Variants in GTF2IRD1 observed in about 807,000 individuals in gnomAD.
GTF2IRD1 encodes the protein GTF2I repeat domain containing 1.
In GTF2IRD1, 26 loss-of-function variants were observed where a neutral mutation model predicts 113.2. The ratio of observed to expected loss-of-function variants is 0.23; its 90% CI spans 0.17 to 0.32. The LOEUF (loss-of-function observed/expected upper bound fraction) is 0.32. Among genes scored for constraint, GTF2IRD1 ranks in the 10% least tolerant of loss-of-function variants. The pLI is 1.00. For missense variants in GTF2IRD1, 864 were observed against 1,280.8 expected (o/e 0.67, Z 4.97); for synonymous variants, 484 against 529.1 (o/e 0.91, Z 1.17).
intron 11 of GTF2IRD1, among the ~76,000 whole-genome samples, chr7:74,536,835 A>G (rs1478074792): frequency 2.1e-4 from 32 of 149,904 alleles, no homozygotes; most frequent in Non-Finnish European, 4.4e-4. Context: ...ACCAGGCCGG[A>G]CTTGGTGGCT....
Position 74,536,214 on chromosome 7 carries a change from C to T in GTF2IRD1, c.1348C>T (p.Pro450Ser). 6.2e-7 allele frequency: 1 copy of T among 1,613,752 alleles called. No individual in the cohort carries two copies. Residue 450 changes from proline (P) to serine (S), a missense_variant, in exon 11 of 27, where the codon CCA becomes TCA. Coordinates refer to ENST00000424337, the MANE Select transcript of GTF2IRD1 (RefSeq NM_005685.4). ...DTTKLEPASP[P>S]EDTSAEVSRA... Reference sequence around the variant, plus strand: ...CACGAAGCTGGAGCCAGCCAGCCCGCCAGAGGACACCTCTGCAGAGGTCTC... The same window carrying T: ...CACGAAGCTGGAGCCAGCCAGCCCGTCAGAGGACACCTCTGCAGAGGTCTC...
At chr7:74,549,773 C>T (rs770353219) in intron 17 of GTF2IRD1, among the ~76,000 whole-genome samples, 4 of 151,846 alleles carry the variant, frequency 2.6e-5, no homozygotes, top group Admixed American at 2.0e-4. Flanking sequence ...CGGTGGCTCA[C>T]GCCTGTAATC....
At chr7:74,482,501 T>C (rs530037695) in intron 1 of GTF2IRD1, among the ~76,000 whole-genome samples, 1 of 152,156 alleles carries the variant, frequency 6.6e-6, no homozygotes, top group African/African-American at 2.4e-5. Context: ...GTGCTGGGAT[T>C]ACGGGTGCGA....
Position 74,547,092 on chromosome 7 carries a change from T to C in GTF2IRD1, c.1733-11T>C, listed in dbSNP as rs781926797. Reference sequence around the variant, plus strand: ...GCACCGGGTGGCCCTACAGCAGCCATGTCTCTGCAGCCAAGGCCATTGGCA... The same window carrying C: ...GCACCGGGTGGCCCTACAGCAGCCACGTCTCTGCAGCCAAGGCCATTGGCA... On this transcript the variant is annotated splice_polypyrimidine_tract_variant and intron_variant, in intron 16 of 26. Transcript: ENST00000424337. 1.2e-6 allele frequency: 2 copies of C among 1,608,720 alleles called. No individual in the cohort carries two copies. The highest frequency in any genetic ancestry group is 1.7e-6 in the Non-Finnish European group (2 of 1,177,100).
intron 22 of GTF2IRD1, among the ~76,000 whole-genome samples, chr7:74,570,733 G>A (rs1466752108): frequency 2.6e-5 from 4 of 152,160 alleles, no homozygotes; most frequent in South Asian, 2.1e-4. Flanking sequence ...TGAACTCCCC[G>A]TCACTGGAGG....
chr7:74,595,223 T>C (rs1350063081), intron 25 of GTF2IRD1, among the ~76,000 whole-genome samples, 172 bp downstream of exon 25: 2 of 151,670 alleles, frequency 1.3e-5, no homozygotes, highest in African/African-American at 4.8e-5. Context: ...CTGAGCAACA[T>C]GGTGAAACCC....
intron 1 of GTF2IRD1, among the ~76,000 whole-genome samples, chr7:74,472,464 T>C (rs1453001268): frequency 6.6e-6 from 1 of 152,138 alleles, no homozygotes; most frequent in African/African-American, 2.4e-5. Flanking sequence ...AAACCACATC[T>C]GGCCGGGCAC....
At chr7:74,496,312 G>A (rs1350864742) in intron 1 of GTF2IRD1, among the ~76,000 whole-genome samples, 1 of 148,746 alleles carries the variant, frequency 6.7e-6, no homozygotes, top group African/African-American at 2.5e-5. Context: ...GTGTGTGGGG[G>A]TGGGGGTGTG....
At chr7:74,578,811 C>T (rs1801238676) in intron 22 of GTF2IRD1, among the ~76,000 whole-genome samples, 1 of 152,122 alleles carries the variant, frequency 6.6e-6, no homozygotes, top group African/African-American at 2.4e-5. Context: ...GCCTGGGCAA[C>T]ATGGCAAGAC....
chr7:74,530,988 G>A (rs1248316662), intron 9 of GTF2IRD1, among the ~76,000 whole-genome samples: 1 of 151,816 alleles, frequency 6.6e-6, no homozygotes. Flanking sequence ...AGGATCACTT[G>A]ACCACAGGAG....
intron 22 of GTF2IRD1, among the ~76,000 whole-genome samples, chr7:74,567,556 T>C (rs1427915028): frequency 6.6e-6 from 1 of 151,904 alleles, no homozygotes; most frequent in Non-Finnish European, 1.5e-5. Flanking sequence ...CAAGAGACAA[T>C]GAGAAAGGCA....
intron 5 of GTF2IRD1, among the ~76,000 whole-genome samples, chr7:74,519,153 C>A (rs1270985369): frequency 6.6e-6 from 1 of 152,198 alleles, no homozygotes; most frequent in Non-Finnish European, 1.5e-5. Context: ...CCGCACCTGG[C>A]GGGATCTGAA....
At chr7:74,530,991 C>A (rs996495658) in intron 9 of GTF2IRD1, among the ~76,000 whole-genome samples, 2 of 151,834 alleles carry the variant, frequency 1.3e-5, no homozygotes, top group African/African-American at 4.8e-5. Flanking sequence ...ATCACTTGAC[C>A]ACAGGAGTTC....
At chr7:74,488,164 T>G (rs782293459) in intron 1 of GTF2IRD1, among the ~76,000 whole-genome samples, 7 of 152,086 alleles carry the variant, frequency 4.6e-5, no homozygotes, top group Non-Finnish European at 7.4e-5. Context: ...CACGCTGTGG[T>G]CCCAGCTACT....
intron 22 of GTF2IRD1, among the ~76,000 whole-genome samples, chr7:74,562,791 T>C (rs587615359): frequency 5.9e-5 from 9 of 152,100 alleles, no homozygotes; most frequent in Non-Finnish European, 1.2e-4. Flanking sequence ...TTGACCAGGC[T>C]GGTCTCGAAC....
chr7:74,494,289 T>A (rs1795528264), intron 1 of GTF2IRD1, among the ~76,000 whole-genome samples: 1 of 152,092 alleles, frequency 6.6e-6, no homozygotes, highest in South Asian at 2.1e-4. Flanking sequence ...TTAGCAGGGC[T>A]TGAGGTCATT....
At chr7:74,541,967 C>T (rs1562852780) in intron 14 of GTF2IRD1, among the ~76,000 whole-genome samples, 1 of 148,800 alleles carries the variant, frequency 6.7e-6, no homozygotes, top group Admixed American at 6.7e-5. Context: ...ACGGTAGGAC[C>T]TATGTGTAGT....
chr7:74,477,453 A>G (rs1794491965), intron 1 of GTF2IRD1, among the ~76,000 whole-genome samples: 1 of 148,552 alleles, frequency 6.7e-6, no homozygotes, highest in Non-Finnish European at 1.5e-5. Flanking sequence ...GGTGACTATA[A>G]TGAATGCTTT....
intron 17 of GTF2IRD1, among the ~76,000 whole-genome samples, chr7:74,551,561 A>G (rs1285626186): frequency 2.0e-5 from 3 of 152,074 alleles, no homozygotes; most frequent in African/African-American, 7.2e-5. Flanking sequence ...TGAGGGGGAG[A>G]GAGGGACAGG....
Sources: gnomAD v4.1 joint callset for allele counts (sites outside exome capture counted in the v4.1 genomes callset) on GRCh38, gnomAD v4.1.1 for gene constraint, MANE v1.5 for transcripts, NCBI Gene and HGNC (gene_info 2026-07-23, HGNC 2026-07-21) for gene names.